Variants in ZNF814 observed in about 807,000 individuals in gnomAD.
ZNF814 encodes zinc finger protein 814.
Under a neutral mutation model 7.5 loss-of-function variants are expected in ZNF814, and 5 were observed. The ratio of observed to expected loss-of-function variants is 0.67; its 90% CI spans 0.35 to 1.40. The LOEUF (loss-of-function observed/expected upper bound fraction) is 1.40. Among genes scored for constraint, ZNF814 ranks in the 40% most tolerant of loss-of-function variants. The pLI is 0.04. For missense variants in ZNF814, 962 were observed against 1,018.0 expected (o/e 0.94, Z 0.75); for synonymous variants, 315 against 340.7 (o/e 0.92, Z 0.83).
chr19:57,870,613 T>C lies in ZNF814; in HGVS notation c.*2209A>G, dbSNP rs988369358. 2.0e-5 allele frequency: 3 copies of C among 152,258 alleles called. No individual in the cohort carries two copies. Among genetic ancestry groups the C allele is most frequent in the Admixed American group, 6.5e-5 (1 of 15,282 alleles). 9.4% of individuals were successfully genotyped at this position (152,258 alleles called of 1,614,324 possible). Reference sequence around the variant, plus strand: ...CTCAACAATACAATATTCATCATTATGGAAGTCCTGATAATTCCTGTATCT... The same window carrying C: ...CTCAACAATACAATATTCATCATTACGGAAGTCCTGATAATTCCTGTATCT... On this transcript the variant is annotated 3_prime_UTR_variant, in exon 3 of 3. Coordinates refer to ENST00000435989, the MANE Select transcript of ZNF814 (RefSeq NM_001144989.2).
rs982812722 is a variant in ZNF814 at position 57,888,818 on chromosome 19, T to G, written c.-16A>C. 26 of 1,551,566 alleles carry G rather than the reference T, an allele frequency of 1.7e-5. No individual in the cohort carries two copies. Among genetic ancestry groups the G allele is most frequent in the Non-Finnish European group, 2.2e-5 (25 of 1,147,012 alleles). Reference sequence around the variant, plus strand: ...CGGCAGCCATCGAACCACGTGGTTTTAAGCAGAGTCGGGAGGATAGGGCGA... The same window carrying G: ...CGGCAGCCATCGAACCACGTGGTTTGAAGCAGAGTCGGGAGGATAGGGCGA... On this transcript the variant is annotated 5_prime_UTR_variant, in exon 1 of 3. Transcript: ENST00000435989.
chr19:57,884,768 G>A (rs1170251562), intron 1 of ZNF814, among the ~76,000 whole-genome samples: 2 of 152,172 alleles, frequency 1.3e-5, no homozygotes, highest in South Asian at 2.1e-4. Context: ...AAATGCTGGT[G>A]AGGATGTGAA....
Position 57,888,723 on chromosome 19 carries a change from G to A in ZNF814, c.36+44C>T, listed in dbSNP as rs767037360. 3.2e-6 allele frequency: 5 copies of A among 1,552,040 alleles called. No homozygotes were observed. In the South Asian group the frequency reaches 4.8e-5, roughly 15 times the overall value. ...GGCGCTGCTACCTCGCTGCTTTTGGGTGACGATGAGGTGACCTGAGGACAC... is the reference window on the plus strand; with the variant it reads ...GGCGCTGCTACCTCGCTGCTTTTGGATGACGATGAGGTGACCTGAGGACAC... On this transcript the variant is annotated intron_variant, in intron 1 of 2. Transcript: ENST00000435989.
chr19:57,886,371 A>G (rs1465227682), intron 1 of ZNF814, among the ~76,000 whole-genome samples: 2 of 152,108 alleles, frequency 1.3e-5, no homozygotes, highest in East Asian at 1.9e-4. Context: ...GATCTACAAC[A>G]AAGATTCAAC....
At chr19:57,901,212 T>C in the ZNF814 span, among the ~76,000 whole-genome samples, 1 of 152,068 alleles carries the variant, frequency 6.6e-6, no homozygotes, top group Admixed American at 6.6e-5. Context: ...GGACAAGAGA[T>C]AGTTGAAAGA....
chr19:57,886,684 G>A (rs2071696528), intron 1 of ZNF814, among the ~76,000 whole-genome samples: 1 of 152,042 alleles, frequency 6.6e-6, no homozygotes, highest in Admixed American at 6.6e-5. Context: ...TTCAAAAGCA[G>A]CCTAGGCAAC....
chr19:57,877,044 T>C lies in ZNF814; in HGVS notation c.37-2A>G, dbSNP rs2071612753. On this transcript the variant is annotated splice_acceptor_variant, in intron 1 of 2. Transcript: ENST00000435989. LOFTEE classifies it high-confidence loss of function. ...CACATCTTCAAAAGTCACTGTGCCC[T>C]GTTATGATGTTGACAGATGAAACTA... 6.2e-7 allele frequency: 1 copy of C among 1,613,812 alleles called. No individual in the cohort carries two copies. The highest frequency in any genetic ancestry group is 1.3e-5 in the African/African-American group (1 of 74,896).
chr19:57,891,952 C>T (rs1228720197), upstream of ZNF814, among the ~76,000 whole-genome samples: 5 of 152,152 alleles, frequency 3.3e-5, no homozygotes, highest in African/African-American at 2.4e-5. Context: ...CACGGTTTCA[C>T]TATGTTGGCC....
In ZNF814 at chr19:57,874,007, T is replaced by A. The variant is rs778349968; in HGVS notation, c.1383A>T (p.Glu461Asp). ...CACATTCTCCACACTTGAAAGGTCT[T>A]TCTCCGGCGTGAACTCGTTGATGGC... ...LRSHQRVHAGERPFKCGECVK... is the reference protein window; with the variant it reads ...LRSHQRVHAGDRPFKCGECVK... Residue 461 changes from glutamate (E) to aspartate (D), a missense_variant, in exon 3 of 3, where the codon GAA becomes GAT. By Grantham distance (45) the Glu-to-Asp change is conservative. Around this residue, in one of 7 missense-constraint regions of ZNF814, gnomAD observed 665 missense variants for 551.4 expected, o/e 1.21. Transcript: ENST00000435989. 6.8e-6 allele frequency: 11 copies of A among 1,613,802 alleles called. No individual in the cohort carries two copies. The highest frequency in any genetic ancestry group is 8.5e-6 in the Non-Finnish European group (10 of 1,179,920).
At chr19:57,900,801 G>A in the ZNF814 span, among the ~76,000 whole-genome samples, 3 of 144,536 alleles carry the variant, frequency 2.1e-5, no homozygotes, top group Non-Finnish European at 4.5e-5. Flanking sequence ...AACCAAAACC[G>A]ATAATGGCCC....
intron 2 of ZNF814, among the ~76,000 whole-genome samples, chr19:57,875,668 G>A (rs1159197304): frequency 6.6e-6 from 1 of 152,140 alleles, no homozygotes; most frequent in Non-Finnish European, 1.5e-5. Flanking sequence ...TGTAGATGGT[G>A]ACGTATGTAA....
chr19:57,872,764 T>A lies in ZNF814; in HGVS notation c.*58A>T. The A allele has an allele frequency of 6.8e-6, 11 of 1,607,506 alleles. No individual in the cohort carries two copies. Among genetic ancestry groups the A allele is most frequent in the Non-Finnish European group, 9.4e-6 (11 of 1,176,346 alleles). ...CATATGGCCTTTCTCCAGTGTGAAC[T>A]CTCTGGTGTGCAATGAGGTGGTCCT... On this transcript the variant is annotated 3_prime_UTR_variant, in exon 3 of 3. Coordinates refer to ENST00000435989, the MANE Select transcript of ZNF814 (RefSeq NM_001144989.2).
the ZNF814 span, among the ~76,000 whole-genome samples, chr19:57,902,220 C>T: frequency 6.6e-6 from 1 of 152,152 alleles, no homozygotes; most frequent in Non-Finnish European, 1.5e-5. Context: ...GGACGCTTGG[C>T]ATTGGGGAAA....
chr19:57,891,764 T>C (rs539930052), upstream of ZNF814, among the ~76,000 whole-genome samples: 30 of 152,020 alleles, frequency 2.0e-4, no homozygotes, highest in Non-Finnish European at 3.2e-4. Flanking sequence ...CTTTCTTTTC[T>C]TTTTTTTGAG....
rs1214475288 is a variant in ZNF814 at position 57,876,903 on chromosome 19, G to A, written c.163+13C>T. 3 of 1,613,928 alleles carry A rather than the reference G, an allele frequency of 1.9e-6. No individual in the cohort carries two copies. Among genetic ancestry groups the A allele is most frequent in the African/African-American group, 2.7e-5 (2 of 74,922 alleles). ...GACTAGCTCAGGTCACAGGGTGAGT[G>A]TGAGCAACTTACCCAGGGAGGATAT... is the stretch of plus-strand genomic sequence containing the variant. On this transcript the variant is annotated intron_variant, in intron 2 of 2. Coordinates refer to ENST00000435989, the MANE Select transcript of ZNF814 (RefSeq NM_001144989.2).
Position 57,874,090 on chromosome 19 carries a change from T to C in ZNF814, c.1300A>G (p.Lys434Glu), listed in dbSNP as rs757661234. 4.3e-5 allele frequency: 69 copies of C among 1,604,712 alleles called. No homozygotes were observed. Among genetic ancestry groups the C allele is most frequent in the Non-Finnish European group, 5.8e-5 (68 of 1,175,446 alleles). The change falls in exon 3 of 3, where the codon AAA becomes GAA. Residue 434 changes from lysine (K) to glutamate (E), a missense_variant. Physicochemically the swap from Lys to Glu is moderately conservative, Grantham distance 56. This residue lies in a region of ZNF814 where 665 missense variants were observed against 551.4 expected (regional missense o/e 1.21). Coordinates refer to ENST00000435989, the MANE Select transcript of ZNF814 (RefSeq NM_001144989.2). ...CCACATTCTTCACACCCATAAGGTT[T>C]TTCTCCAGTGTGAAATCGCTGATGT... ...IQHQRFHTGE[K>E]PYGCEECGKS...
chr19:57,886,392 C>T (rs1344926620), intron 1 of ZNF814, among the ~76,000 whole-genome samples: 1 of 152,106 alleles, frequency 6.6e-6, no homozygotes, highest in Non-Finnish European at 1.5e-5. Flanking sequence ...CTCCCAGGGC[C>T]CCACGGTGCT....
At chr19:57,875,441 G>A (rs2071598429) in intron 2 of ZNF814, among the ~76,000 whole-genome samples, 1 of 152,198 alleles carries the variant, frequency 6.6e-6, no homozygotes, top group African/African-American at 2.4e-5. Context: ...ACACAACCAT[G>A]TATGTAAAAC....
In ZNF814 at chr19:57,872,840, G is replaced by A; in HGVS notation, c.2550C>T (p.His850=). The change falls in exon 3 of 3, where the codon CAC becomes CAT. Residue 850 remains histidine, a synonymous_variant. Transcript: ENST00000435989. The part of the protein sequence containing the change: ...KSHLLVHQSS[H]WRKAI ...CTCACACTCATATGGCTTTTCTCCA[G>A]TGTGAACTCTGGTGTACAAGGAGGT... 1 of 1,612,120 alleles carries A rather than the reference G, an allele frequency of 6.2e-7. No individual in the cohort carries two copies. The highest frequency in any genetic ancestry group is 1.3e-5 in the African/African-American group (1 of 74,844).
Sources: gnomAD v4.1 joint callset for allele counts (sites outside exome capture counted in the v4.1 genomes callset) on GRCh38, gnomAD v4.1.1 for gene constraint, gnomAD v4.1.1 regional missense constraint, MANE v1.5 for transcripts, NCBI Gene and HGNC (gene_info 2026-07-23, HGNC 2026-07-21) for gene names.